The following SLC2A13 variants were observed in gnomAD, a reference collection of about 807,000 sequenced individuals.
The protein encoded by SLC2A13 is proton myo-inositol cotransporter.
Under a neutral mutation model 64.4 loss-of-function variants are expected in SLC2A13, and 32 were observed. The ratio of observed to expected loss-of-function variants is 0.50; its 90% CI spans 0.37 to 0.67. The LOEUF is 0.67. Among genes scored for constraint, SLC2A13 ranks in the 30% least tolerant of loss-of-function variants. The pLI, the probability that SLC2A13 is intolerant of heterozygous loss-of-function variation, is 0.00. For synonymous variants in SLC2A13, 338 were observed against 327.1 expected (o/e 1.03, Z -0.36); for missense variants, 743 against 829.2 (o/e 0.90, Z 1.28).
At chr12:40,007,506 A>T (rs200345649) in intron 3 of SLC2A13, among the ~76,000 whole-genome samples, 2 of 21,916 alleles carry the variant, frequency 9.1e-5, no homozygotes, top group Non-Finnish European at 2.0e-4. Context: ...ACTTTTTTTT[A>T]AAAAAAGGTC....
chr12:39,809,977 T>A (rs1942099666), intron 7 of SLC2A13, among the ~76,000 whole-genome samples: 1 of 152,210 alleles, frequency 6.6e-6, no homozygotes, highest in Admixed American at 6.5e-5. Flanking sequence ...TATGTGTGAA[T>A]GTGTCTTATA....
intron 3 of SLC2A13, among the ~76,000 whole-genome samples, chr12:39,971,523 C>T (rs367984883): frequency 6.6e-6 from 1 of 152,238 alleles, no homozygotes; most frequent in East Asian, 1.9e-4. Flanking sequence ...GTCATGTCAA[C>T]ATCTCTGGGT....
intron 4 of SLC2A13, among the ~76,000 whole-genome samples, chr12:39,881,747 T>C (rs1350175059): frequency 6.6e-6 from 1 of 152,154 alleles, no homozygotes; most frequent in Non-Finnish European, 1.5e-5. Context: ...TTTAGATACC[T>C]CTGGGCCTGA....
At chr12:39,763,191 A>T (rs1401863347) in intron 9 of SLC2A13, among the ~76,000 whole-genome samples, 1 of 152,072 alleles carries the variant, frequency 6.6e-6, no homozygotes, top group Non-Finnish European at 1.5e-5. Context: ...ATCCAGCTGA[A>T]TATACTAAAT....
chr12:39,927,015 A>AAGAGAATGAAAATG (rs1945742520), intron 4 of SLC2A13, among the ~76,000 whole-genome samples: 2 of 152,236 alleles, frequency 1.3e-5, no homozygotes, highest in African/African-American at 2.4e-5. Flanking sequence ...TGATAAAGCA[A>AAGAGAATGAAAATG]TCCATCAATG....
chr12:39,872,015 G>A (rs777830877), intron 4 of SLC2A13, 54 bp from the exon 5 acceptor site: 1 of 1,399,808 alleles, frequency 7.1e-7, no homozygotes, highest in Non-Finnish European at 9.4e-7. Flanking sequence ...AAGAAACAGG[G>A]TTATTTTGAT....
intron 2 of SLC2A13, among the ~76,000 whole-genome samples, chr12:40,034,193 A>T (rs1384119370): frequency 6.6e-6 from 1 of 152,220 alleles, no homozygotes; most frequent in African/African-American, 2.4e-5. Flanking sequence ...GCTGAATTCT[A>T]CTAAGAGAAG....
intron 1 of SLC2A13, among the ~76,000 whole-genome samples, chr12:40,095,466 T>C (rs898162100): frequency 6.6e-6 from 1 of 152,224 alleles, no homozygotes; most frequent in Non-Finnish European, 1.5e-5. Context: ...TACAAGTAGG[T>C]TCTATTCTTT....
rs12314745 is a variant in SLC2A13, at chr12:40,068,168, C to T, written c.557-19958G>A. The T allele has an allele frequency of 9.6e-3, 2,116 of 219,936 alleles. 47 individuals carry two copies. The highest frequency in any genetic ancestry group is 0.046 in the African/African-American group (1,932 of 41,998). 13.6% of individuals were successfully genotyped at this position (219,936 alleles called of 1,614,324 possible). ...CAAGTGATCCTCCCACCTCAGCATC[C>T]CAAAGTGCTGGGATTAGGGATTACA... On this transcript the variant is annotated intron_variant, in intron 1 of 9. Coordinates refer to ENST00000280871, the MANE Select transcript of SLC2A13 (RefSeq NM_052885.4).
At chr12:39,798,811 A>C (rs530423140) in intron 7 of SLC2A13, among the ~76,000 whole-genome samples, 1 of 152,194 alleles carries the variant, frequency 6.6e-6, no homozygotes, top group East Asian at 1.9e-4. Flanking sequence ...TTGTATAAAC[A>C]CAATTATATA....
intron 4 of SLC2A13, among the ~76,000 whole-genome samples, chr12:39,930,130 CAA>C (rs11385191): frequency 3.1e-5 from 3 of 95,892 alleles, no homozygotes; most frequent in Non-Finnish European, 2.2e-5. Context: ...GACTTCGTCT[CAA>C]AAAAAAAAAA....
intron 4 of SLC2A13, among the ~76,000 whole-genome samples, chr12:39,939,063 A>G (rs1945973634): frequency 6.6e-6 from 1 of 152,004 alleles, no homozygotes; most frequent in African/African-American, 2.4e-5. Context: ...TCTGAGGACA[A>G]TCTACACTGT....
chr12:39,847,941 C>T (rs1359637410), intron 6 of SLC2A13, among the ~76,000 whole-genome samples: 2 of 152,166 alleles, frequency 1.3e-5, no homozygotes, highest in African/African-American at 4.8e-5. Flanking sequence ...TTTCCTACTT[C>T]TGATGAGAGG....
intron 2 of SLC2A13, among the ~76,000 whole-genome samples, chr12:40,029,584 G>C (rs748252931): frequency 3.7e-4 from 56 of 152,176 alleles, no homozygotes; most frequent in Non-Finnish European, 6.2e-4. Flanking sequence ...AGCCTTAAAG[G>C]CTCCAGAGAT....
intron 7 of SLC2A13, chr12:39,802,293 A>G (rs972786915): frequency 6.6e-6 from 1 of 152,194 alleles, no homozygotes; most frequent in African/African-American, 2.4e-5. Flanking sequence ...ATTCAGGGAT[A>G]TGTGATCTGA....
intron 2 of SLC2A13, among the ~76,000 whole-genome samples, chr12:40,035,561 C>A (rs747947727): frequency 6.6e-6 from 1 of 152,086 alleles, no homozygotes; most frequent in Non-Finnish European, 1.5e-5. Flanking sequence ...AAACATAAGA[C>A]CATGGCTGAA....
intron 1 of SLC2A13, among the ~76,000 whole-genome samples, chr12:40,093,018 T>C (rs987321841): frequency 2.6e-5 from 4 of 152,166 alleles, no homozygotes; most frequent in Non-Finnish European, 5.9e-5. Context: ...TTTCTGTTGA[T>C]TCCACTGTCA....
intron 4 of SLC2A13, among the ~76,000 whole-genome samples, chr12:39,890,982 G>GATT (rs2135979772): frequency 6.6e-6 from 1 of 152,174 alleles, no homozygotes; most frequent in African/African-American, 2.4e-5. Flanking sequence ...TCTGGGGTAA[G>GATT]ATTATGAATA....
chr12:40,101,296 T>A (rs1939140933), intron 1 of SLC2A13, among the ~76,000 whole-genome samples: 3 of 152,124 alleles, frequency 2.0e-5, no homozygotes, highest in Admixed American at 1.3e-4. Context: ...AATACACATA[T>A]CCCTGACTTC....
Sources: allele counts gnomAD v4.1 joint callset (sites outside exome capture counted in the v4.1 genomes callset), GRCh38; gene constraint gnomAD v4.1.1; transcripts MANE v1.5; gene names NCBI Gene and HGNC (gene_info 2026-07-23, HGNC 2026-07-21).